Variants in ACCSL observed in about 807,000 individuals in gnomAD.
ACCSL encodes the protein 1-aminocyclopropane-1-carboxylate synthase homolog (inactive) like.
In ACCSL, 55 loss-of-function variants were observed where a neutral mutation model predicts 61.7. The observed-to-expected ratio is 0.89, with a 90% confidence interval of 0.72 to 1.12. The LOEUF (loss-of-function observed/expected upper bound fraction) is 1.12, where lower values mean the gene tolerates loss of function less well. ACCSL is among the 50% of genes most tolerant of loss of function. The probability of loss-of-function intolerance (pLI) is 0.00; values close to 1 mark genes in which losing one functional copy is unlikely to be tolerated. For synonymous variants in ACCSL, 258 were observed against 264.3 expected, an observed-to-expected ratio of 0.98 and a Z score of 0.23; for missense variants, 632 against 698.0, an observed-to-expected ratio of 0.91 and a Z score of 1.07.
At chr11:44,008,468 C>T in the ACCSL span, among the ~76,000 whole-genome samples, 1 of 152,252 alleles carries the variant, frequency 6.6e-6, no homozygotes, top group Non-Finnish European at 1.5e-5. Context: ...GTCTGCCCCA[C>T]AGGGGCTGTC....
At chr11:44,000,756 G>A in the ACCSL span, among the ~76,000 whole-genome samples, 1 of 90,106 alleles carries the variant, frequency 1.1e-5, no homozygotes, top group Non-Finnish European at 2.7e-5. Flanking sequence ...AAAGAAAATT[G>A]TAAAATAAAT....
chr11:43,967,025 T>C, the ACCSL span, among the ~76,000 whole-genome samples: 1 of 152,040 alleles, frequency 6.6e-6, no homozygotes, highest in African/African-American at 2.4e-5. Context: ...CTTCATTCTA[T>C]CTCATTATAT....
the ACCSL span, among the ~76,000 whole-genome samples, chr11:43,965,244 C>A: frequency 6.6e-6 from 1 of 152,110 alleles, no homozygotes; most frequent in East Asian, 1.9e-4. Context: ...CAAACAAATT[C>A]AGAAATTTTG....
the ACCSL span, among the ~76,000 whole-genome samples, chr11:43,961,041 G>A: frequency 6.5e-3 from 991 of 152,222 alleles, 23 homozygotes; most frequent in Admixed American, 0.042. Flanking sequence ...GGCCAGTCTC[G>A]AACTCCTGAC....
intron 2 of ACCSL, among the ~76,000 whole-genome samples, 165 bp from the exon 3 acceptor site, chr11:44,050,387 C>T (rs1952629083): frequency 6.6e-6 from 1 of 152,160 alleles, no homozygotes; most frequent in Non-Finnish European, 1.5e-5. Context: ...TAATTTATGA[C>T]AAGATGGTAG....
chr11:44,052,528 A>C, intron 5 of ACCSL, 134 bp from the exon 6 acceptor site: 1 of 734,696 alleles, frequency 1.4e-6, no homozygotes, highest in Admixed American at 2.2e-5. Context: ...GAACCTAAGA[A>C]CATTAATCCC....
the ACCSL span, among the ~76,000 whole-genome samples, chr11:44,014,296 G>T: frequency 1.3e-5 from 2 of 152,172 alleles, no homozygotes; most frequent in African/African-American, 4.8e-5. Flanking sequence ...GCGGGCAGGG[G>T]CTGCTGTCAT....
chr11:44,044,050 A>T (rs1952587112), upstream of ACCSL, among the ~76,000 whole-genome samples: 1 of 152,184 alleles, frequency 6.6e-6, no homozygotes, highest in Admixed American at 6.5e-5. Flanking sequence ...ACAATATTTT[A>T]AAAATGCTTT....
chr11:43,983,494 A>G, the ACCSL span, among the ~76,000 whole-genome samples: 4 of 152,100 alleles, frequency 2.6e-5, no homozygotes, highest in Non-Finnish European at 4.4e-5. Flanking sequence ...GTAGGAACGA[A>G]ATTGGTGCTC....
At chr11:43,950,598 G>A in the ACCSL span, among the ~76,000 whole-genome samples, 4 of 152,322 alleles carry the variant, frequency 2.6e-5, no homozygotes, top group South Asian at 6.2e-4. Flanking sequence ...AAGATAGTGG[G>A]TGTACCAGTC....
chr11:44,030,086 G>GTTTTTTTTTTTTTTTTT, the ACCSL span, among the ~76,000 whole-genome samples: 3 of 8,686 alleles, frequency 3.5e-4, no homozygotes, highest in Non-Finnish European at 7.0e-4. Flanking sequence ...TTTTTTTTTA[G>GTTTTTTTTTTTTTTTTT]TATAAAGGGG....
chr11:44,000,080 G>C, the ACCSL span, among the ~76,000 whole-genome samples: 1 of 152,110 alleles, frequency 6.6e-6, no homozygotes, highest in Non-Finnish European at 1.5e-5. Flanking sequence ...AAGAGTTTGA[G>C]ACCAGCCTGA....
At chr11:43,934,322 G>A in the ACCSL span, among the ~76,000 whole-genome samples, 1 of 152,174 alleles carries the variant, frequency 6.6e-6, no homozygotes, top group Non-Finnish European at 1.5e-5. Context: ...GGCCCCCTGG[G>A]GGTGGAGTGC....
the ACCSL span, among the ~76,000 whole-genome samples, chr11:43,947,582 G>C: frequency 4.8e-3 from 737 of 152,262 alleles, 2 homozygotes; most frequent in African/African-American, 0.017. Context: ...AGAGGAAGGA[G>C]GTCCCTCAGG....
At chr11:44,006,273 G>A in the ACCSL span, among the ~76,000 whole-genome samples, 1 of 151,782 alleles carries the variant, frequency 6.6e-6, no homozygotes, top group Non-Finnish European at 1.5e-5. Context: ...TGCCACCAAA[G>A]TGGGACCCAG....
the ACCSL span, among the ~76,000 whole-genome samples, chr11:44,036,618 C>CA: frequency 0.055 from 8,351 of 151,862 alleles, 448 homozygotes; most frequent in African/African-American, 0.14. Context: ...CCTGTCTCTA[C>CA]AAAAAATACA....
chr11:44,005,350 G>T, the ACCSL span, among the ~76,000 whole-genome samples: 1 of 152,118 alleles, frequency 6.6e-6, no homozygotes, highest in South Asian at 2.1e-4. Flanking sequence ...GTGAATATGA[G>T]ATTCTGTAAT....
chr11:43,952,657 G>C, the ACCSL span, among the ~76,000 whole-genome samples: 1 of 152,178 alleles, frequency 6.6e-6, no homozygotes, highest in African/African-American at 2.4e-5. Context: ...GACCCTCTTA[G>C]AGTTGTAAGC....
the ACCSL span, among the ~76,000 whole-genome samples, chr11:43,978,290 A>G: frequency 6.6e-6 from 1 of 152,062 alleles, no homozygotes; most frequent in South Asian, 2.1e-4. Context: ...GATTACAGGC[A>G]TGAGCCACTG....
Sources: gnomAD v4.1 joint callset for allele counts (sites outside exome capture counted in the v4.1 genomes callset) on GRCh38, gnomAD v4.1.1 for gene constraint, MANE v1.5 for transcripts, NCBI Gene and HGNC (gene_info 2026-07-23, HGNC 2026-07-21) for gene names.